The following PVT1 variants were observed in gnomAD, a reference collection of about 807,000 sequenced individuals.
PVT1 encodes Pvt1 oncogene, also known as CXCR4/PVT1 fusion.
At chr8:128,053,856 G>A (rs1813729685) in intron 4 of PVT1, among the ~76,000 whole-genome samples, 1 of 152,250 alleles carries the variant, frequency 6.6e-6, no homozygotes, top group Admixed American at 6.5e-5. Flanking sequence ...AGGGCAGCCA[G>A]CCTGTATCTC....
chr8:127,914,946 C>T (rs1815964368), intron 3 of PVT1, among the ~76,000 whole-genome samples: 1 of 151,886 alleles, frequency 6.6e-6, no homozygotes, highest in Admixed American at 6.6e-5. Flanking sequence ...CTGCCTCAGC[C>T]TCCTGAGCGG....
intron 2 of PVT1, among the ~76,000 whole-genome samples, chr8:127,888,028 C>A (rs551234902): frequency 6.4e-4 from 90 of 140,074 alleles, no homozygotes; most frequent in Middle Eastern, 7.9e-3. Context: ...ACAACCTCGG[C>A]CTCCTGGGTT....
intron 3 of PVT1, among the ~76,000 whole-genome samples, chr8:127,924,746 C>T (rs1816108879): frequency 6.6e-6 from 1 of 152,042 alleles, no homozygotes; most frequent in South Asian, 2.1e-4. Flanking sequence ...CTCCTGACCT[C>T]GTGATCCGCC....
intron 3 of PVT1, among the ~76,000 whole-genome samples, chr8:127,934,815 G>A (rs1215261762): frequency 6.6e-6 from 1 of 152,130 alleles, no homozygotes; most frequent in Non-Finnish European, 1.5e-5. Flanking sequence ...CTGGAGCTGG[G>A]CTGGGACTGA....
At chr8:128,011,435 C>T (rs962785882) in intron 4 of PVT1, among the ~76,000 whole-genome samples, 1 of 152,018 alleles carries the variant, frequency 6.6e-6, no homozygotes, top group Non-Finnish European at 1.5e-5. Flanking sequence ...AATAAGAGAC[C>T]TCAGAGAGCT....
At chr8:128,015,879 C>T (rs1204740997) in intron 4 of PVT1, among the ~76,000 whole-genome samples, 2 of 151,860 alleles carry the variant, frequency 1.3e-5, no homozygotes, top group Non-Finnish European at 2.9e-5. Context: ...GTTGTTCTGC[C>T]ATCCCTGGGA....
chr8:127,896,257 G>C (rs1366515184), intron 3 of PVT1, among the ~76,000 whole-genome samples: 1 of 152,008 alleles, frequency 6.6e-6, no homozygotes, highest in Non-Finnish European at 1.5e-5. Context: ...ATTTTGGCAG[G>C]GGGTGCTGCA....
chr8:127,967,914 G>A (rs536889170), intron 3 of PVT1, among the ~76,000 whole-genome samples: 14 of 152,332 alleles, frequency 9.2e-5, no homozygotes, highest in East Asian at 3.9e-4. Context: ...TTTATTGAGC[G>A]CCTGTAGTAT....
chr8:128,023,016 A>G (rs570610200), intron 4 of PVT1, among the ~76,000 whole-genome samples: 1 of 152,058 alleles, frequency 6.6e-6, no homozygotes, highest in African/African-American at 2.4e-5. Context: ...ACAGGAGTGC[A>G]CCACCACACC....
At chr8:127,986,728 G>A (rs1401990426) in intron 3 of PVT1, among the ~76,000 whole-genome samples, 3 of 152,154 alleles carry the variant, frequency 2.0e-5, no homozygotes, top group Non-Finnish European at 2.9e-5. Flanking sequence ...GCTTTGCACC[G>A]GGCTCTAAAC....
intron 3 of PVT1, among the ~76,000 whole-genome samples, chr8:127,906,581 C>A (rs980146976): frequency 6.6e-6 from 1 of 152,100 alleles, no homozygotes; most frequent in Admixed American, 6.5e-5. Context: ...CATCTGATGT[C>A]CCCTGCTCCT....
At chr8:128,057,707 G>A (rs970908983) in intron 4 of PVT1, among the ~76,000 whole-genome samples, 18 of 152,160 alleles carry the variant, frequency 1.2e-4, no homozygotes, top group Admixed American at 5.2e-4. Context: ...ATCCATCATC[G>A]TTTAAATTCC....
intron 3 of PVT1, among the ~76,000 whole-genome samples, chr8:127,935,862 T>C (rs189435078): frequency 3.9e-5 from 6 of 152,096 alleles, no homozygotes; most frequent in Non-Finnish European, 5.9e-5. Context: ...TAGGGTGGAT[T>C]TGGCCAAAAG....
At chr8:127,913,895 T>C (rs1815942612) in intron 3 of PVT1, among the ~76,000 whole-genome samples, 1 of 152,068 alleles carries the variant, frequency 6.6e-6, no homozygotes, top group African/African-American at 2.4e-5. Context: ...AGTGAAGGGT[T>C]TGGGGCCACA....
At chr8:127,876,778 A>G (rs1018090100) in intron 2 of PVT1, among the ~76,000 whole-genome samples, 1 of 152,214 alleles carries the variant, frequency 6.6e-6, no homozygotes, top group Non-Finnish European at 1.5e-5. Context: ...ACAGCAGAGC[A>G]GAGCCGATGT....
intron 3 of PVT1, among the ~76,000 whole-genome samples, chr8:127,923,651 G>A (rs1020180680): frequency 9.2e-5 from 14 of 152,174 alleles, no homozygotes; most frequent in South Asian, 6.2e-4. Context: ...CATTAAAAGC[G>A]CTGAGACTCT....
At chr8:128,015,914 C>T (rs1267078794) in intron 4 of PVT1, among the ~76,000 whole-genome samples, 6 of 152,084 alleles carry the variant, frequency 3.9e-5, no homozygotes, top group Non-Finnish European at 5.9e-5. Flanking sequence ...CAACTGGCAG[C>T]GGAGATGAAG....
chr8:127,932,560 G>A (rs963413835), intron 3 of PVT1: 2 of 398,448 alleles, frequency 5.0e-6, no homozygotes, highest in Non-Finnish European at 8.8e-6. Context: ...GTCCCAGCCT[G>A]CTATGGAAGC....
intron 2 of PVT1, among the ~76,000 whole-genome samples, chr8:127,866,039 A>T (rs986982668): frequency 6.6e-6 from 1 of 152,166 alleles, no homozygotes; most frequent in Admixed American, 6.5e-5. Context: ...TCTCCCTCTG[A>T]CAGCGCAGCC....
Sources: allele counts gnomAD v4.1 joint callset (sites outside exome capture counted in the v4.1 genomes callset), GRCh38; gene constraint gnomAD v4.1.1; transcripts MANE v1.5; gene names NCBI Gene and HGNC (gene_info 2026-07-23, HGNC 2026-07-21).